Variants in RNF13 observed in about 807,000 individuals in gnomAD.
RNF13 encodes the protein ring finger protein 13.
Under a neutral mutation model 37.7 loss-of-function variants are expected in RNF13, and 19 were observed. The ratio of observed to expected loss-of-function variants is 0.50; its 90% CI spans 0.35 to 0.74. The LOEUF is 0.74. RNF13 is among the 30% of genes least tolerant of loss of function. The pLI, the probability that RNF13 is intolerant of heterozygous loss-of-function variation, is 0.01. For missense variants in RNF13, 375 were observed against 453.0 expected, an observed-to-expected ratio of 0.83 and a Z score of 1.56; for synonymous variants, 144 against 157.8, an observed-to-expected ratio of 0.91 and a Z score of 0.65.
chr3:149,932,217 G>C (rs1719227333), intron 8 of RNF13, among the ~76,000 whole-genome samples: 2 of 152,094 alleles, frequency 1.3e-5, no homozygotes, highest in South Asian at 4.1e-4. Flanking sequence ...GGGATTGCTG[G>C]ATCATATGGT....
At chr3:149,860,269 AAATAT>A (rs374328275) in intron 3 of RNF13, among the ~76,000 whole-genome samples, 5,023 of 100,036 alleles carry the variant, frequency 0.05, 93 homozygotes, top group Middle Eastern at 0.056. Context: ...AAAAAAAAAA[AAATAT>A]ATATATATAT....
intron 8 of RNF13, among the ~76,000 whole-genome samples, chr3:149,928,372 G>A (rs1158449334): frequency 3.3e-5 from 5 of 151,992 alleles, no homozygotes; most frequent in East Asian, 3.9e-4. Context: ...TAGGGCTCCC[G>A]GCTTATTTTT....
intron 1 of RNF13, among the ~76,000 whole-genome samples, chr3:149,824,054 A>G (rs1271849311): frequency 1.3e-5 from 2 of 152,236 alleles, no homozygotes; most frequent in East Asian, 3.8e-4. Context: ...TGTTGGGAAC[A>G]TATCAAAAAG....
intron 2 of RNF13, among the ~76,000 whole-genome samples, chr3:149,849,084 T>C (rs1218168633): frequency 2.6e-5 from 4 of 152,220 alleles, no homozygotes; most frequent in Non-Finnish European, 5.9e-5. Context: ...TCTCTTATCA[T>C]TTTTCTTTTA....
At chr3:149,844,417 G>A (rs909664204) in intron 1 of RNF13, among the ~76,000 whole-genome samples, 5 of 152,140 alleles carry the variant, frequency 3.3e-5, no homozygotes, top group Admixed American at 6.5e-5. Context: ...GTTTACCAGG[G>A]AAGCTCATTA....
intron 7 of RNF13, among the ~76,000 whole-genome samples, chr3:149,914,710 G>A (rs1410991169): frequency 9.9e-5 from 15 of 151,896 alleles, no homozygotes; most frequent in African/African-American, 2.2e-4. Flanking sequence ...CAAGGCGGGC[G>A]GATCACCTGA....
intron 8 of RNF13, among the ~76,000 whole-genome samples, chr3:149,954,580 T>C (rs1020082138): frequency 3.3e-5 from 5 of 152,222 alleles, no homozygotes; most frequent in African/African-American, 9.6e-5. Context: ...TGTAATACAA[T>C]TCACAGAAAC....
At chr3:149,826,355 T>A (rs1041332025) in intron 1 of RNF13, among the ~76,000 whole-genome samples, 2 of 152,210 alleles carry the variant, frequency 1.3e-5, no homozygotes, top group East Asian at 3.9e-4. Flanking sequence ...TTGAGTATAA[T>A]TAAAGGCTTA....
rs551154937 is a variant in RNF13, at chr3:149,827,485, C to G, written c.-17+14132C>G. Among the ~76,000 whole-genome samples the G allele has an allele frequency of 1.3e-4, 20 of 151,954 alleles. No individual in the cohort carries two copies. The East Asian group carries it at 2.7e-3, about 21-fold the overall frequency. On this transcript the variant is annotated intron_variant, in intron 1 of 9. Transcript: ENST00000392894. Reference sequence around the variant, plus strand: ...AGCATAGAGGCTCTGCAGAAGATATCAAGAGAGGCTATGTAGGCATTCAGT... The same window carrying G: ...AGCATAGAGGCTCTGCAGAAGATATGAAGAGAGGCTATGTAGGCATTCAGT...
intron 8 of RNF13, among the ~76,000 whole-genome samples, chr3:149,941,892 T>TTTATTTATTTAG (rs1174560986): frequency 6.7e-6 from 1 of 149,748 alleles, no homozygotes; most frequent in Non-Finnish European, 1.5e-5. Flanking sequence ...CAGCTTAATA[T>TTTATTTATTTAG]TTATTTATTT....
chr3:149,813,123 A>T (rs1267663508), upstream of RNF13: 4 of 152,272 alleles, frequency 2.6e-5, no homozygotes, highest in Non-Finnish European at 5.9e-5. Context: ...TGAGAGTGGG[A>T]AAGAGCCTTA....
intron 6 of RNF13, among the ~76,000 whole-genome samples, chr3:149,904,224 C>T (rs1227516185): frequency 6.6e-6 from 1 of 152,058 alleles, no homozygotes; most frequent in Non-Finnish European, 1.5e-5. Flanking sequence ...TGCTGAAAGA[C>T]ACCAACATAA....
chr3:149,841,700 A>C (rs1722196500), intron 1 of RNF13, among the ~76,000 whole-genome samples: 1 of 151,990 alleles, frequency 6.6e-6, no homozygotes, highest in Non-Finnish European at 1.5e-5. Flanking sequence ...GCTCACTGCA[A>C]CCTCTGCCTC....
Position 149,881,664 on chromosome 3 carries a change from G to A in RNF13, c.321+9510G>A, listed in dbSNP as rs569905636. On this transcript the variant is annotated intron_variant, in intron 4 of 9. Transcript: ENST00000392894. ...ATCTTTAATAATTTAAGTTCCAAGC[G>A]TTTTGGCTTCTGTTTTTTGGTATAC... Among the ~76,000 whole-genome samples, 8 of 152,218 alleles carry A rather than the reference G, an allele frequency of 5.3e-5. No homozygotes were observed. The South Asian group carries it at 8.3e-4, about 16-fold the overall frequency.
chr3:149,951,073 G>A (rs1312699695), intron 8 of RNF13, among the ~76,000 whole-genome samples: 1 of 152,102 alleles, frequency 6.6e-6, no homozygotes, highest in African/African-American at 2.4e-5. Flanking sequence ...GATTTTTCCT[G>A]GTAGAGCTTC....
At chr3:149,818,319 ATGTATT>A (rs1457870422) in intron 1 of RNF13, among the ~76,000 whole-genome samples, 1 of 152,152 alleles carries the variant, frequency 6.6e-6, no homozygotes, top group Non-Finnish European at 1.5e-5. Flanking sequence ...TTCTCGTACT[ATGTATT>A]TGTACCTATT....
chr3:149,867,035 T>C (rs1339535197), intron 3 of RNF13, among the ~76,000 whole-genome samples: 1 of 152,140 alleles, frequency 6.6e-6, no homozygotes, highest in African/African-American at 2.4e-5. Flanking sequence ...GTCAGGACTT[T>C]TCGGTTATTG....
intron 4 of RNF13, among the ~76,000 whole-genome samples, chr3:149,885,550 A>T (rs1713928156): frequency 6.6e-6 from 1 of 151,994 alleles, no homozygotes. Flanking sequence ...TGTCTATTCA[A>T]ATCTTTTGCC....
chr3:149,952,483 C>T (rs1265390213), intron 8 of RNF13, among the ~76,000 whole-genome samples: 2 of 151,992 alleles, frequency 1.3e-5, no homozygotes, highest in East Asian at 1.9e-4. Context: ...TTAGGATGTA[C>T]ATAAATTTGA....
Sources: gnomAD v4.1 joint callset for allele counts (sites outside exome capture counted in the v4.1 genomes callset) on GRCh38, gnomAD v4.1.1 for gene constraint, MANE v1.5 for transcripts, NCBI Gene and HGNC (gene_info 2026-07-23, HGNC 2026-07-21) for gene names.